Variants in LOXL4 observed in about 807,000 individuals in gnomAD.
LOXL4 encodes lysyl oxidase homolog 4.
In LOXL4, 72 loss-of-function variants were observed where a neutral mutation model predicts 89.1. The ratio of observed to expected loss-of-function variants is 0.81; its 90% confidence interval spans 0.67 to 0.98. LOXL4 has a LOEUF of 0.98. Among genes scored for constraint, LOXL4 ranks in the 50% least tolerant of loss-of-function variants. The pLI is 0.00. For synonymous variants in LOXL4, 355 were observed against 392.1 expected (o/e 0.91, Z 1.12); for missense variants, 984 against 1,017.5 (o/e 0.97, Z 0.45).
At chr10:98,256,465 A>G (rs567129179) in intron 9 of LOXL4, 1 of 394,120 alleles carries the variant, frequency 2.5e-6, no homozygotes, top group South Asian at 2.9e-5. Context: ...CCTGGCCCTG[A>G]TTTCCTCAGC....
chr10:98,253,795 A>G lies in LOXL4; in HGVS notation c.1593T>C (p.Ser531=). 1.9e-6 allele frequency: 3 copies of G among 1,613,862 alleles called. No homozygotes were observed. Among genetic ancestry groups the G allele is most frequent in the Non-Finnish European group, 2.5e-6 (3 of 1,179,990 alleles). ...RFLAGVSCMD[S]APDLVMNAQL... is the part of the protein sequence containing the mutation. Reference sequence around the variant, plus strand: ...GGGCGTTCATCACCAGGTCTGGTGCACCTGGGGCGGCGGAGGGCATGGCAG... The same window carrying G: ...GGGCGTTCATCACCAGGTCTGGTGCGCCTGGGGCGGCGGAGGGCATGGCAG... The change falls in exon 11 of 15, where the codon AGT becomes AGC. Residue 531 remains serine (S), a splice_region_variant and synonymous_variant. Coordinates refer to ENST00000260702, the MANE Select transcript of LOXL4 (RefSeq NM_032211.7).
At position 98,251,235 on chromosome 10, in the gene LOXL4, G is replaced by T. The variant is rs1008346989; in HGVS notation, c.2089-59C>A. ...GATTTGGTTTCTGAATGAGTTGACT[G>T]TGGCTGTGATAATCCTTACATGTGT... On this transcript the variant is annotated intron_variant, in intron 13 of 14. Transcript: ENST00000260702. 6.4e-6 allele frequency: 8 copies of T among 1,254,604 alleles called. No homozygotes were observed. The African/African-American group carries it at 8.8e-5, about 14-fold the overall frequency. 77.7% of individuals were successfully genotyped at this position (1,254,604 alleles called of 1,614,324 possible).
intron 10 of LOXL4, among the ~76,000 whole-genome samples, chr10:98,255,296 T>C (rs1163633530): frequency 2.0e-5 from 3 of 152,410 alleles, no homozygotes; most frequent in East Asian, 1.9e-4. Flanking sequence ...CCTGTTTCAT[T>C]GTTTGTAACT....
intron 3 of LOXL4, 114 bp downstream of exon 3, chr10:98,261,921 T>C: frequency 1.8e-6 from 2 of 1,105,776 alleles, no homozygotes; most frequent in Middle Eastern, 3.0e-4. Flanking sequence ...GGGACGATGC[T>C]CAGTGCAGAC....
intron 9 of LOXL4, chr10:98,256,005 G>A (rs774063815): frequency 5.2e-6 from 2 of 383,136 alleles, no homozygotes; most frequent in Non-Finnish European, 9.5e-6. Flanking sequence ...CTCTCTTCCA[G>A]ATGGCAGAGG....
Position 98,259,022 on chromosome 10 carries a change from C to G in LOXL4, c.908G>C (p.Gly303Ala), listed in dbSNP as rs139729484. 3.2e-6 allele frequency: 5 copies of G among 1,551,342 alleles called. No homozygotes were observed. In the African/African-American group the frequency reaches 5.5e-5, roughly 17 times the overall value. Residue 303 changes from glycine (G) to alanine (A), a missense_variant, in exon 6 of 15, where the codon GGG (glycine) becomes GCG (alanine). Transcript: ENST00000260702. ...CCCAGGGCTCACCTCTGCCCAGGAC[C>G]CTTTGCGTTGTGGCTTTGTCTTCGG... ...RPPKTKPQRK[G>A]SWAEEPRVRL...
intron 12 of LOXL4, chr10:98,251,961 T>C: frequency 1.9e-6 from 1 of 530,010 alleles, no homozygotes; most frequent in South Asian, 2.4e-5. Flanking sequence ...AATTTACTTG[T>C]GCATCCGCCT....
At position 98,251,184 on chromosome 10, in the gene LOXL4, G is replaced by A. The variant is rs751666160; in HGVS notation, c.2089-8C>T. On this transcript the variant is annotated splice_polypyrimidine_tract_variant and splice_region_variant and intron_variant, in intron 13 of 14. Transcript: ENST00000260702. ...GTGGGGGTTCACAATCACCTAGAGT[G>A]AAAGAGGGGACAACTGAAAATGGGT... 1 of 1,594,116 alleles carries A rather than the reference G, an allele frequency of 6.3e-7. No homozygotes were observed. Among genetic ancestry groups the A allele is most frequent in the Non-Finnish European group, 8.6e-7 (1 of 1,162,140 alleles).
intron 1 of LOXL4, among the ~76,000 whole-genome samples, chr10:98,265,795 C>G (rs1315032789): frequency 6.6e-6 from 1 of 152,194 alleles, no homozygotes; most frequent in African/African-American, 2.4e-5. Flanking sequence ...GAAATGGAGG[C>G]CACGTCCGAT....
At chr10:98,253,203 G>C (rs1241392932) in intron 11 of LOXL4, among the ~76,000 whole-genome samples, 2 of 152,226 alleles carry the variant, frequency 1.3e-5, no homozygotes, top group Non-Finnish European at 2.9e-5. Flanking sequence ...GGGCCCCCAG[G>C]TTCCTGGGAG....
At chr10:98,267,438 C>T (rs886250591) in intron 1 of LOXL4, among the ~76,000 whole-genome samples, 4 of 152,208 alleles carry the variant, frequency 2.6e-5, no homozygotes, top group Non-Finnish European at 4.4e-5. Context: ...GGGCTGAAGA[C>T]AGCAAATGCC....
chr10:98,257,028 A>G (rs1858396185), intron 8 of LOXL4, 81 bp from the exon 9 acceptor site: 3 of 1,498,686 alleles, frequency 2.0e-6, no homozygotes, highest in Non-Finnish European at 2.7e-6. Context: ...GGTCTGCCCA[A>G]GCCAGCTCAC....
At chr10:98,259,496 C>G in intron 4 of LOXL4, 67 bp from the exon 5 acceptor site, 1 of 1,394,466 alleles carries the variant, frequency 7.2e-7, no homozygotes, top group Non-Finnish European at 1.0e-6. Context: ...CCACCTGGTT[C>G]CTCATAGTTG....
rs775744669 is a variant in LOXL4, at chr10:98,256,801, A to T, written c.1407T>A (p.Gly469=). The T allele has an allele frequency of 6.2e-7, 1 of 1,614,096 alleles. No homozygotes were observed. The highest frequency in any genetic ancestry group is 1.3e-5 in the African/African-American group (1 of 75,032). Residue 469 remains glycine, a synonymous_variant, in exon 9 of 15, where the codon GGT becomes GGA. Coordinates refer to ENST00000260702, the MANE Select transcript of LOXL4 (RefSeq NM_032211.7). The stretch of plus-strand genomic sequence containing the variant: ...CTACCTTGTAGGCATGGATGGCAAA[A>T]CCCAGGCCGAGCTGTCGGCAGGCCA... ...AMVACRQLGL[G]FAIHAYKETW...
chr10:98,255,692 C>T lies in LOXL4; in HGVS notation c.1476G>A (p.Met492Ile), dbSNP rs1858339980. The T allele has an allele frequency of 1.9e-6, 3 of 1,613,406 alleles. No homozygotes were observed. The highest frequency in any genetic ancestry group is 2.7e-5 in the African/African-American group (2 of 74,944). The change falls in exon 10 of 15, where the codon ATG becomes ATA. Residue 492 changes from methionine (M) to isoleucine (I), a missense_variant. Coordinates refer to ENST00000260702, the MANE Select transcript of LOXL4 (RefSeq NM_032211.7). ...SGTPRAQEVV[M>I]SGVRCSGTEL... ...CTGTGCCTGAGCAGCGCACCCCACTCATCACCACCTCCTGGGCCCTTGGCG... is the reference window on the plus strand; with the variant it reads ...CTGTGCCTGAGCAGCGCACCCCACTTATCACCACCTCCTGGGCCCTTGGCG...
In LOXL4 at chr10:98,258,990, C is replaced by CA; in HGVS notation, c.921+18dup. Reference sequence around the variant, plus strand: ...GTGCCTCCAAGCTGTGGTGTGAGTGCAGGATGCCCAGGGCTCACCTCTGCC... The same window carrying CA: ...GTGCCTCCAAGCTGTGGTGTGAGTGCAAGGATGCCCAGGGCTCACCTCTGCC... On this transcript the variant is annotated intron_variant, in intron 6 of 14. Transcript: ENST00000260702. The CA allele has an allele frequency of 6.6e-7, 1 of 1,510,402 alleles. No individual in the cohort carries two copies. The highest frequency in any genetic ancestry group is 8.9e-7 in the Non-Finnish European group (1 of 1,120,790). The allele number at this position is 1,510,402 out of a possible 1,614,324, so 93.6% of individuals were successfully genotyped here. A position where few individuals can be genotyped will look rare whatever the true frequency, so the allele number is the denominator to read the frequency against.
intron 1 of LOXL4, among the ~76,000 whole-genome samples, chr10:98,266,537 C>CA (rs1858692519): frequency 6.6e-6 from 1 of 152,150 alleles, no homozygotes; most frequent in South Asian, 2.1e-4. Flanking sequence ...GGGAGGGCTT[C>CA]TGCTGTAGGA....
intron 8 of LOXL4, among the ~76,000 whole-genome samples, chr10:98,257,175 C>T (rs1590879809): frequency 6.6e-6 from 1 of 152,354 alleles, no homozygotes; most frequent in Non-Finnish European, 1.5e-5. Context: ...CCAGGGGCTC[C>T]TCCTGCTCTG....
intron 2 of LOXL4, 106 bp downstream of exon 2, chr10:98,262,637 G>A: frequency 7.3e-7 from 1 of 1,363,312 alleles, no homozygotes; most frequent in Non-Finnish European, 1.0e-6. Context: ...GTGTGGAGGA[G>A]GTCACATGAG....
Sources: gnomAD v4.1 joint callset for allele counts (sites outside exome capture counted in the v4.1 genomes callset) on GRCh38, gnomAD v4.1.1 for gene constraint, MANE v1.5 for transcripts, NCBI Gene and HGNC (gene_info 2026-07-23, HGNC 2026-07-21) for gene names.